Variants in EED observed in about 807,000 individuals in gnomAD.
The protein encoded by EED is embryonic ectoderm development.
In EED, 9 loss-of-function variants were observed where a neutral mutation model predicts 61.0. That is an observed-to-expected ratio of 0.15 (90% CI 0.09 to 0.26). The LOEUF (loss-of-function observed/expected upper bound fraction) is 0.26. Among genes scored for constraint, EED ranks in the 10% least tolerant of loss-of-function variants. The pLI is 1.00. For missense variants in EED, 315 were observed against 542.3 expected (o/e 0.58, Z 4.16); for synonymous variants, 187 against 174.4 (o/e 1.07, Z -0.57).
chr11:86,254,372 G>A (rs565014946), intron 3 of EED, among the ~76,000 whole-genome samples: 15 of 149,996 alleles, frequency 1.0e-4, no homozygotes, highest in Non-Finnish European at 1.9e-4. Context: ...CCAGGCTGGA[G>A]TGCAGTGGTG....
At chr11:86,252,441 C>T (rs1308725335) in intron 3 of EED, among the ~76,000 whole-genome samples, 2 of 150,944 alleles carry the variant, frequency 1.3e-5, no homozygotes, top group Non-Finnish European at 2.9e-5. Flanking sequence ...AATATATTAC[C>T]CCTAATTATT....
At chr11:86,258,555 G>GTTTTTTTT (rs563888569) in intron 6 of EED, among the ~76,000 whole-genome samples, 7 of 130,886 alleles carry the variant, frequency 5.3e-5, no homozygotes, top group East Asian at 2.1e-4. Context: ...TTGTTTTTTG[G>GTTTTTTTT]TTTTTTTTTT....
chr11:86,270,026 G>A, intron 9 of EED: 1 of 658,672 alleles, frequency 1.5e-6, no homozygotes, highest in Non-Finnish European at 2.8e-6. Context: ...GAGGGCAATT[G>A]CTGGGTTGTG....
Position 86,250,385 on chromosome 11 carries a change from G to A in EED, c.204G>A (p.Trp68Ter). 1 of 1,608,256 alleles carries A rather than the reference G, an allele frequency of 6.2e-7. No individual in the cohort carries two copies. The highest frequency in any genetic ancestry group is 1.3e-5 in the African/African-American group (1 of 74,522). The change falls in exon 2 of 12, where the codon TGG (tryptophan) becomes TGA (stop). Residue 68 changes from tryptophan to a stop codon, truncating the protein, a stop_gained. Transcript: ENST00000263360. LOFTEE classifies it high-confidence loss of function. ...CAAATGCACCTGGAAGGAAAAGTTGGGGAAAGGGAAAATGGAAGTCAAAGA... is the reference window on the plus strand; with the variant it reads ...CAAATGCACCTGGAAGGAAAAGTTGAGGAAAGGGAAAATGGAAGTCAAAGA... ...NTPNAPGRKSWGKGKWKSKKC... is the reference protein window; with the variant it reads ...NTPNAPGRKS
the EED span, among the ~76,000 whole-genome samples, chr11:86,286,656 T>C: frequency 6.6e-6 from 1 of 152,090 alleles, no homozygotes; most frequent in South Asian, 2.1e-4. Context: ...TTAAATTTTT[T>C]TTAATGCAAC....
intron 3 of EED, among the ~76,000 whole-genome samples, chr11:86,253,386 T>A (rs541320962): frequency 1.3e-5 from 2 of 152,336 alleles, no homozygotes; most frequent in East Asian, 3.9e-4. Context: ...AAACCTAAGT[T>A]AATATTTAGC....
At chr11:86,280,725 A>G (rs1350308002), downstream of EED, among the ~76,000 whole-genome samples, 1 of 152,254 alleles carries the variant, frequency 6.6e-6, no homozygotes, top group Admixed American at 6.5e-5. Context: ...TTGGGCTAAT[A>G]TATCCTTCAC....
Position 86,244,972 on chromosome 11 carries a change from G to T in EED, c.-258G>T, listed in dbSNP as rs971156768. 4 of 399,412 alleles carry T rather than the reference G, an allele frequency of 1.0e-5. No individual in the cohort carries two copies. The highest frequency in any genetic ancestry group is 8.8e-5 in the East Asian group (2 of 22,638). The allele number at this position is 399,412 out of a possible 1,614,324, so 24.7% of individuals were successfully genotyped here. ...CTGCCGGGAGGGCGGCGGGAAAAGG[G>T]CAAGACGGGAGTTGGGGAAGGGAAG... On this transcript the variant is annotated 5_prime_UTR_variant, in exon 1 of 12. Transcript: ENST00000263360.
the EED span, among the ~76,000 whole-genome samples, chr11:86,287,030 C>CATATAGAG: frequency 1.4e-5 from 2 of 147,354 alleles, no homozygotes; most frequent in Non-Finnish European, 3.0e-5. Context: ...ATCATACACA[C>CATATAGAG]ATATAGAAAG....
chr11:86,287,473 A>C, the EED span, among the ~76,000 whole-genome samples: 12 of 152,184 alleles, frequency 7.9e-5, no homozygotes, highest in Non-Finnish European at 1.6e-4. Context: ...ATGAAAGCAG[A>C]TTCATTTTGC....
At chr11:86,245,509 T>C (rs889553185) in intron 1 of EED, among the ~76,000 whole-genome samples, 166 bp downstream of exon 1, 6 of 151,446 alleles carry the variant, frequency 4.0e-5, no homozygotes, top group Non-Finnish European at 5.9e-5. Flanking sequence ...GGGATTTTGA[T>C]GTGGGGCCGA....
At chr11:86,268,650 T>C (rs1316903434) in intron 9 of EED, 89 bp downstream of exon 9, 1 of 795,970 alleles carries the variant, frequency 1.3e-6, no homozygotes, top group Non-Finnish European at 1.9e-6. Flanking sequence ...TGTTGGAACT[T>C]GGCAGGGAGC....
intron 8 of EED, among the ~76,000 whole-genome samples, chr11:86,267,346 C>T (rs1946004775): frequency 6.6e-6 from 1 of 152,090 alleles, no homozygotes; most frequent in African/African-American, 2.4e-5. Flanking sequence ...TGCTTTTTTA[C>T]ATATCTGAGG....
rs954614818 is a variant in EED at position 86,278,332 on chromosome 11, C to T, written c.1200-67C>T. 5 of 1,540,328 alleles carry T rather than the reference C, an allele frequency of 3.2e-6. No homozygotes were observed. In the African/African-American group the frequency reaches 6.9e-5, roughly 21 times the overall value. ...GAACATCTGCTTATTTTCTAATCCG[C>T]TGTTTTAGGGTAGACACTGACAACG... On this transcript the variant is annotated intron_variant, in intron 11 of 11. Transcript: ENST00000263360.
chr11:86,246,851 T>C (rs1298310551), intron 1 of EED, among the ~76,000 whole-genome samples: 1 of 152,202 alleles, frequency 6.6e-6, no homozygotes, highest in African/African-American at 2.4e-5. Context: ...TTGTCTTAGT[T>C]TCTTAAAAAT....
downstream of EED, among the ~76,000 whole-genome samples, chr11:86,280,645 T>A (rs1192629277): frequency 1.3e-5 from 2 of 152,250 alleles, no homozygotes; most frequent in Non-Finnish European, 2.9e-5. Flanking sequence ...ATGTCTTTAA[T>A]TGACCATTGT....
At chr11:86,270,286 G>A in intron 9 of EED, 1 of 432,204 alleles carries the variant, frequency 2.3e-6, no homozygotes, top group Non-Finnish European at 4.1e-6. Flanking sequence ...TTTACCATTC[G>A]TATATCCTTT....
At chr11:86,275,049 TGTC>T (rs1019244197) in intron 9 of EED, among the ~76,000 whole-genome samples, 13 of 152,322 alleles carry the variant, frequency 8.5e-5, no homozygotes, top group African/African-American at 3.1e-4. Flanking sequence ...TTGTTGTTGT[TGTC>T]TTCACTCATT....
Position 86,277,940 on chromosome 11 carries a change from T to C in EED, c.1148T>C (p.Val383Ala). 1 of 1,546,106 alleles carries C rather than the reference T, an allele frequency of 6.5e-7. No individual in the cohort carries two copies. The highest frequency in any genetic ancestry group is 8.6e-7 in the Non-Finnish European group (1 of 1,156,476). ...WQKMLALGNQ[V>A]GKLYVWDLEV... ...CAGATGCTTGCATTGGGCAATCAAG[T>C]TGGCAAACTTTATGTTTGGGATTTA... Residue 383 changes from valine to alanine, a missense_variant, in exon 11 of 12, where the codon GTT (valine) becomes GCT (alanine). Val to Ala is a moderately conservative substitution (Grantham distance 64). Around this residue, in one of 2 missense-constraint regions of EED, gnomAD observed 205 missense variants for 455.4 expected, o/e 0.45. Coordinates refer to ENST00000263360, the MANE Select transcript of EED (RefSeq NM_003797.5).
Sources: allele counts gnomAD v4.1 joint callset (sites outside exome capture counted in the v4.1 genomes callset), GRCh38; gene constraint gnomAD v4.1.1; regional missense constraint gnomAD v4.1.1; transcripts MANE v1.5; gene names NCBI Gene and HGNC (gene_info 2026-07-23, HGNC 2026-07-21).